Variants in PAK5 observed in about 807,000 individuals in gnomAD.
PAK5 encodes the protein p21 (RAC1) activated kinase 5.
A neutral mutation model predicts 65.9 loss-of-function variants in PAK5; 16 were observed. The observed-to-expected ratio is 0.24, with a 90% CI of 0.16 to 0.37. The LOEUF is 0.37. Ranked by LOEUF, PAK5 falls within the 10% of genes least tolerant of loss-of-function variation. PAK5 has a pLI of 1.00. For missense variants in PAK5, 785 were observed against 903.9 expected (o/e 0.87, Z 1.69); for synonymous variants, 371 against 354.9 (o/e 1.05, Z -0.51).
At chr20:9,623,513 C>T (rs1229128378) in intron 3 of PAK5, among the ~76,000 whole-genome samples, 1 of 152,036 alleles carries the variant, frequency 6.6e-6, no homozygotes, top group South Asian at 2.1e-4. Flanking sequence ...AATTATTGTA[C>T]CAAATTCCAA....
chr20:9,580,914 T>C lies in PAK5; in HGVS notation c.221A>G (p.Asn74Ser). Residue 74 changes from asparagine (N) to serine (S), a missense_variant, in exon 4 of 10, where the codon AAC (asparagine) becomes AGC (serine). By Grantham distance (46) the Asn-to-Ser change is conservative (BLOSUM62 1). Around this residue, in one of 4 missense-constraint regions of PAK5, gnomAD observed 71 missense variants for 110.2 expected, o/e 0.64. Coordinates refer to ENST00000353224, the MANE Select transcript of PAK5 (RefSeq NM_177990.4). Reference sequence around the variant, plus strand: ...GATGGAGGTTTCCTTGCAGGGTTTGTTTCCTCTAACGATTGTCTGGGAATA... The same window carrying C: ...GATGGAGGTTTCCTTGCAGGGTTTGCTTCCTCTAACGATTGTCTGGGAATA... ...LAPMKTIVRG[N>S]KPCKETSING... 6.3e-7 allele frequency: 1 copy of C among 1,595,026 alleles called. No homozygotes were observed. The highest frequency in any genetic ancestry group is 8.5e-7 in the Non-Finnish European group (1 of 1,171,362).
intron 2 of PAK5, among the ~76,000 whole-genome samples, chr20:9,691,377 G>C (rs540323557): frequency 6.6e-6 from 1 of 152,162 alleles, no homozygotes; most frequent in Middle Eastern, 3.4e-3. Flanking sequence ...GTTGTTATTA[G>C]AATTAAAGGT....
intron 1 of PAK5, among the ~76,000 whole-genome samples, chr20:9,716,800 G>T (rs2048152293): frequency 2.0e-5 from 3 of 152,024 alleles, no homozygotes; most frequent in Non-Finnish European, 4.4e-5. Flanking sequence ...AAGCAATCTG[G>T]GGGCCAGGTG....
At chr20:9,544,284 T>C (rs2045310195) in intron 8 of PAK5, 85 bp downstream of exon 8, 1 of 1,418,008 alleles carries the variant, frequency 7.1e-7, no homozygotes, top group Non-Finnish European at 9.8e-7. Context: ...TGCCCCCATC[T>C]CCTGTGGTCA....
chr20:9,823,063 T>C (rs2049441669), intron 1 of PAK5, among the ~76,000 whole-genome samples: 1 of 152,230 alleles, frequency 6.6e-6, no homozygotes, highest in South Asian at 2.1e-4. Flanking sequence ...GATCAGGCCA[T>C]CAGAGCTCCA....
chr20:9,590,180 A>C (rs2046142497), intron 3 of PAK5, among the ~76,000 whole-genome samples: 1 of 152,106 alleles, frequency 6.6e-6, no homozygotes, highest in Non-Finnish European at 1.5e-5. Flanking sequence ...TATGTTGCCC[A>C]GGGTGGTCTC....
At chr20:9,666,841 GAA>G (rs2047426850) in intron 2 of PAK5, among the ~76,000 whole-genome samples, 1 of 152,174 alleles carries the variant, frequency 6.6e-6, no homozygotes, top group South Asian at 2.1e-4. Flanking sequence ...AGTTTTAGAT[GAA>G]AAGATGACAA....
intron 2 of PAK5, among the ~76,000 whole-genome samples, chr20:9,676,290 C>A (rs190098036): frequency 9.3e-4 from 141 of 151,988 alleles, no homozygotes; most frequent in African/African-American, 3.0e-3. Flanking sequence ...GGTGAGGACA[C>A]AGCCAAACCA....
intron 2 of PAK5, among the ~76,000 whole-genome samples, chr20:9,689,944 A>G (rs1350529373): frequency 1.3e-5 from 2 of 152,196 alleles, no homozygotes; most frequent in African/African-American, 2.4e-5. Context: ...GAACATTTAC[A>G]TACAGACACC....
intron 2 of PAK5, among the ~76,000 whole-genome samples, chr20:9,696,250 C>T (rs910142309): frequency 7.2e-5 from 11 of 152,060 alleles, no homozygotes; most frequent in Admixed American, 6.6e-4. Flanking sequence ...AAGGTGCAAC[C>T]TCTGGACCAT....
intron 2 of PAK5, among the ~76,000 whole-genome samples, chr20:9,701,279 T>A (rs2123462452): frequency 6.6e-6 from 1 of 152,328 alleles, no homozygotes; most frequent in East Asian, 1.9e-4. Flanking sequence ...TCCTGAAATG[T>A]ACCACTTACT....
At chr20:9,634,579 T>C (rs1454815040) in intron 3 of PAK5, among the ~76,000 whole-genome samples, 6 of 152,186 alleles carry the variant, frequency 3.9e-5, no homozygotes, top group Non-Finnish European at 5.9e-5. Flanking sequence ...TGGGGAAAGA[T>C]GGTGTGTTGA....
intron 1 of PAK5, among the ~76,000 whole-genome samples, chr20:9,747,105 G>A (rs1320835717): frequency 2.0e-5 from 3 of 152,092 alleles, no homozygotes; most frequent in East Asian, 1.9e-4. Flanking sequence ...TAAATTCCTC[G>A]ACACGTACAC....
intron 3 of PAK5, among the ~76,000 whole-genome samples, chr20:9,642,182 G>T (rs188285012): frequency 4.9e-4 from 75 of 152,328 alleles, no homozygotes; most frequent in African/African-American, 1.3e-3. Context: ...GTAATGGGAT[G>T]GCTGGGTCAA....
At chr20:9,595,725 C>T (rs2123082012) in intron 3 of PAK5, among the ~76,000 whole-genome samples, 1 of 152,224 alleles carries the variant, frequency 6.6e-6, no homozygotes, top group South Asian at 2.1e-4. Context: ...CAGGAATGTT[C>T]TTGAAGACAT....
Position 9,542,672 on chromosome 20 carries a change from C to T in PAK5, c.1918G>A (p.Glu640Lys), listed in dbSNP as rs1416163895. The T allele has an allele frequency of 3.1e-6, 5 of 1,613,930 alleles. No homozygotes were observed. Among genetic ancestry groups the T allele is most frequent in the Non-Finnish European group, 3.4e-6 (4 of 1,179,856 alleles). ...GIMVIEMIDG[E>K]PPYFNEPPLQ... ...GGAGGCTCATTGAAGTAGGGGGGCTCGCCATCAATCATTTCTATCACCATG... is the reference window on the plus strand; with the variant it reads ...GGAGGCTCATTGAAGTAGGGGGGCTTGCCATCAATCATTTCTATCACCATG... Residue 640 changes from glutamate (E) to lysine (K), a missense_variant, in exon 9 of 10, where the codon GAG (glutamate) becomes AAG (lysine). Transcript: ENST00000353224.
chr20:9,731,888 C>G (rs901070928), intron 1 of PAK5, among the ~76,000 whole-genome samples: 5 of 151,836 alleles, frequency 3.3e-5, no homozygotes, highest in Non-Finnish European at 5.9e-5. Flanking sequence ...TATTCTGCAG[C>G]GTGGGTAATA....
chr20:9,816,298 T>C (rs2049356070), intron 1 of PAK5, among the ~76,000 whole-genome samples: 1 of 152,236 alleles, frequency 6.6e-6, no homozygotes, highest in Non-Finnish European at 1.5e-5. Context: ...ATTATGAGTA[T>C]ATTATCTGTC....
chr20:9,830,788 A>C (rs1978648615), intron 1 of PAK5, among the ~76,000 whole-genome samples: 1 of 152,222 alleles, frequency 6.6e-6, no homozygotes, highest in Non-Finnish European at 1.5e-5. Flanking sequence ...GATGCACATC[A>C]CAGTGAACAT....
Sources: allele counts gnomAD v4.1 joint callset (sites outside exome capture counted in the v4.1 genomes callset), GRCh38; gene constraint gnomAD v4.1.1; regional missense constraint gnomAD v4.1.1; transcripts MANE v1.5; gene names NCBI Gene and HGNC (gene_info 2026-07-23, HGNC 2026-07-21).